Variants in GSC2 observed in about 807,000 individuals in gnomAD.
GSC2 encodes the protein homeobox protein goosecoid-2.
Under a neutral mutation model 11.3 loss-of-function variants are expected in GSC2, and 12 were observed. The observed-to-expected ratio is 1.06, with a 90% CI of 0.68 to 1.72. The LOEUF (loss-of-function observed/expected upper bound fraction) is 1.72. Ranked by LOEUF, GSC2 falls within the 40% of genes most tolerant of loss-of-function variation. GSC2 has a pLI of 0.00. For missense variants in GSC2, 310 were observed against 235.7 expected, an observed-to-expected ratio of 1.32 and a Z score of -2.06; for synonymous variants, 148 against 110.0, an observed-to-expected ratio of 1.35 and a Z score of -2.16.
At position 19,148,436 on chromosome 22, in the gene GSC2, CTG is replaced by C. The variant is rs1555917728; in HGVS notation, c.*553_*554del. On this transcript the variant is annotated 3_prime_UTR_variant, in exon 3 of 3. Transcript: ENST00000086933. ...AGCGCGAGGCTCGAAGGTGAAGGGA[CTG>C]TGGAGGGGCTCCTGGAATCGCTCCT... The C allele has an allele frequency of 1.3e-5, 2 of 152,372 alleles. No homozygotes were observed. 9.4% of individuals were successfully genotyped at this position (152,372 alleles called of 1,614,324 possible). A position where few individuals can be genotyped will look rare whatever the true frequency, so the allele number is the denominator to read the frequency against.
chr22:19,149,834 G>A lies in GSC2; in HGVS notation c.342C>T (p.Leu114=). The part of the protein sequence containing the change: ...LGAPAGGSGA[L]PGAVGPGSQR... ...GCGAACCCGGGCCGACCGCGCCCGGGAGCGCCCCGGAACCTCCGGCTGGCG... is the reference window on the plus strand; with the variant it reads ...GCGAACCCGGGCCGACCGCGCCCGGAAGCGCCCCGGAACCTCCGGCTGGCG... Residue 114 remains leucine, a synonymous_variant, in exon 2 of 3, where the codon CTC becomes CTT. Transcript: ENST00000086933. The A allele has an allele frequency of 1.3e-6, 2 of 1,548,676 alleles. No homozygotes were observed. The highest frequency in any genetic ancestry group is 1.7e-6 in the Non-Finnish European group (2 of 1,151,656).
rs1375589588 is a variant in GSC2, at chr22:19,147,541, C to A, written c.*1450G>T. ...CAAGGGGCCTGGAGCCTGTGAGATG[C>A]GAGTGTCCCCAGCTGCAAGGGAGCT... On this transcript the variant is annotated 3_prime_UTR_variant, in exon 3 of 3. Coordinates refer to ENST00000086933, the MANE Select transcript of GSC2 (RefSeq NM_005315.2). 6.6e-6 allele frequency among the ~76,000 whole-genome samples: 1 copy of A among 152,142 alleles called. No homozygotes were observed. Among genetic ancestry groups the A allele is most frequent in the African/African-American group, 2.4e-5 (1 of 41,424 alleles).
chr22:19,147,656 G>C lies in GSC2; in HGVS notation c.*1335C>G, dbSNP rs535527846. ...GGAGAAGGGCTTTGTGTGCATGCTA[G>C]GGGTGGAGGCGGGGATGCTAGGGAC... On this transcript the variant is annotated 3_prime_UTR_variant, in exon 3 of 3. Transcript: ENST00000086933. Among the ~76,000 whole-genome samples, 336 of 152,298 alleles carry C rather than the reference G, an allele frequency of 2.2e-3. No individual in the cohort carries two copies. The highest frequency in any genetic ancestry group is 7.8e-3 in the African/African-American group (323 of 41,554).
rs147219285 is a variant in GSC2 at position 19,148,016 on chromosome 22, G to A, written c.*975C>T. Among the ~76,000 whole-genome samples, 169 of 152,296 alleles carry A rather than the reference G, an allele frequency of 1.1e-3. No homozygotes were observed. Among genetic ancestry groups the A allele is most frequent in the African/African-American group, 3.8e-3 (159 of 41,558 alleles). ...AGGGCAGGCATCTTCCCAGGCAGCAGGGGCGGGGTCTCCCCAGTCCAACCT... is the reference window on the plus strand; with the variant it reads ...AGGGCAGGCATCTTCCCAGGCAGCAAGGGCGGGGTCTCCCCAGTCCAACCT... On this transcript the variant is annotated 3_prime_UTR_variant, in exon 3 of 3. Coordinates refer to ENST00000086933, the MANE Select transcript of GSC2 (RefSeq NM_005315.2).
chr22:19,149,107 G>C lies in GSC2; in HGVS notation c.514-12C>G. The C allele has an allele frequency of 2.0e-6, 3 of 1,522,004 alleles. No individual in the cohort carries two copies. The highest frequency in any genetic ancestry group is 2.7e-6 in the Non-Finnish European group (3 of 1,116,258). The allele number at this position is 1,522,004 out of a possible 1,614,324, so 94.3% of individuals were successfully genotyped here. A position where few individuals can be genotyped will look rare whatever the true frequency, so the allele number is the denominator to read the frequency against. ...TTCTTGAACCAGACCTGGGGATGGGGGGAATGCTCAGCCCTAGCCCCAGGT... is the reference window on the plus strand; with the variant it reads ...TTCTTGAACCAGACCTGGGGATGGGCGGAATGCTCAGCCCTAGCCCCAGGT... On this transcript the variant is annotated splice_polypyrimidine_tract_variant and intron_variant, in intron 2 of 2. Coordinates refer to ENST00000086933, the MANE Select transcript of GSC2 (RefSeq NM_005315.2).
rs2083796065 is a variant in GSC2 at position 19,147,053 on chromosome 22, C to T, written c.*1938G>A. ...ACAGTAAAACTGACTTCCTGTCAGC[C>T]TGGGTATAGTGGATGATCAGGAGAG... On this transcript the variant is annotated 3_prime_UTR_variant, in exon 3 of 3. Coordinates refer to ENST00000086933, the MANE Select transcript of GSC2 (RefSeq NM_005315.2). Among the ~76,000 whole-genome samples, 1 of 152,138 alleles carries T rather than the reference C, an allele frequency of 6.6e-6. No individual in the cohort carries two copies. The highest frequency in any genetic ancestry group is 2.1e-4 in the South Asian group (1 of 4,828).
chr22:19,149,364 C>T (rs1227959201), intron 2 of GSC2, among the ~76,000 whole-genome samples: 1 of 152,248 alleles, frequency 6.6e-6, no homozygotes, highest in Non-Finnish European at 1.5e-5. Flanking sequence ...GGGTTGCGGG[C>T]TCTTCTGAAT....
rs2083799866 is a variant in GSC2 at position 19,147,657 on chromosome 22, G to A, written c.*1334C>T. ...GAGAAGGGCTTTGTGTGCATGCTAGGGGTGGAGGCGGGGATGCTAGGGACA... is the reference window on the plus strand; with the variant it reads ...GAGAAGGGCTTTGTGTGCATGCTAGAGGTGGAGGCGGGGATGCTAGGGACA... On this transcript the variant is annotated 3_prime_UTR_variant, in exon 3 of 3. Transcript: ENST00000086933. Among the ~76,000 whole-genome samples, 1 of 152,170 alleles carries A rather than the reference G, an allele frequency of 6.6e-6. No individual in the cohort carries two copies. Among genetic ancestry groups the A allele is most frequent in the Non-Finnish European group, 1.5e-5 (1 of 68,016 alleles).
chr22:19,150,078 C>T lies in GSC2; in HGVS notation c.206G>A (p.Cys69Tyr), dbSNP rs1555918159. 4 of 996,198 alleles carry T rather than the reference C, an allele frequency of 4.0e-6. No homozygotes were observed. Among genetic ancestry groups the T allele is most frequent in the East Asian group, 1.0e-4 (1 of 9,620 alleles). 61.7% of individuals were successfully genotyped at this position (996,198 alleles called of 1,614,324 possible). Residue 69 changes from cysteine (C) to tyrosine (Y), a missense_variant, in exon 1 of 3, where the codon TGC (cysteine) becomes TAC (tyrosine). Cys to Tyr is a radical substitution (Grantham distance 194). Transcript: ENST00000086933. ...PEAAPCACCC[C>Y]CGPRAAPCGP... ...GCAGGGCGCCGCGCGGGGGCCGCAG[C>T]AGCAGCAGCAGGCGCAGGGCGCAGC...
At chr22:19,149,627 C>A (rs1463068042) in intron 2 of GSC2, 36 bp downstream of exon 2, 4 of 1,492,778 alleles carry the variant, frequency 2.7e-6, no homozygotes, top group Admixed American at 2.2e-5. Flanking sequence ...AGCCGCGGCC[C>A]GCGCGCTCCG....
chr22:19,148,834 A>C lies in GSC2; in HGVS notation c.*157T>G, dbSNP rs563282049. 2.1e-4 allele frequency: 113 copies of C among 547,428 alleles called. No individual in the cohort carries two copies. The highest frequency in any genetic ancestry group is 2.0e-3 in the African/African-American group (101 of 50,976). 33.9% of individuals were successfully genotyped at this position (547,428 alleles called of 1,614,324 possible). A position where few individuals can be genotyped will look rare whatever the true frequency, so the allele number is the denominator to read the frequency against. ...GCACCGGGGGCCCGTCCCCAGCGCC[A>C]CGGCAGCACGAGCTGCAGGAGGCAA... is the stretch of plus-strand genomic sequence containing the variant. On this transcript the variant is annotated 3_prime_UTR_variant, in exon 3 of 3. Coordinates refer to ENST00000086933, the MANE Select transcript of GSC2 (RefSeq NM_005315.2).
chr22:19,148,088 G>A lies in GSC2; in HGVS notation c.*903C>T, dbSNP rs1299902968. 2.0e-5 allele frequency among the ~76,000 whole-genome samples: 3 copies of A among 152,096 alleles called. No individual in the cohort carries two copies. Among genetic ancestry groups the A allele is most frequent in the African/African-American group, 7.2e-5 (3 of 41,414 alleles). ...GGCACAGATTGCTGTGAGGGAGTCC[G>A]AGCCCACAGCATGAAAACCCCAGGA... On this transcript the variant is annotated 3_prime_UTR_variant, in exon 3 of 3. Transcript: ENST00000086933.
rs1396963176 is a variant in GSC2, at chr22:19,149,651, C to CG, written c.513+11dup. 3.9e-6 allele frequency: 6 copies of CG among 1,524,926 alleles called. No individual in the cohort carries two copies. The African/African-American group carries it at 8.6e-5, about 22-fold the overall frequency. The allele number at this position is 1,524,926 out of a possible 1,614,324, so 94.5% of individuals were successfully genotyped here. ...CCGCGCGCTCCGGGGAAAGGCTGGG[C>CG]GGGGCACTCACCTCCACGCGCTCCT... On this transcript the variant is annotated intron_variant, in intron 2 of 2. Transcript: ENST00000086933.
In GSC2 at chr22:19,149,925, C is replaced by G. The variant is rs1464407072; in HGVS notation, c.260-9G>C. 6.8e-6 allele frequency: 9 copies of G among 1,323,158 alleles called. No individual in the cohort carries two copies. Among genetic ancestry groups the G allele is most frequent in the Non-Finnish European group, 8.6e-6 (9 of 1,041,776 alleles). The allele number at this position is 1,323,158 out of a possible 1,614,324, so 82.0% of individuals were successfully genotyped here. On this transcript the variant is annotated splice_polypyrimidine_tract_variant and intron_variant, in intron 1 of 2. Transcript: ENST00000086933. ...CCACGCCAGACGAGCGCCTGCGGAG[C>G]GAGGGCGCGGTGAGGCGCGGGGCTG...
rs1555918068 is a variant in GSC2 at position 19,149,740 on chromosome 22, C to G, written c.436G>C (p.Val146Leu). Residue 146 changes from valine to leucine, a missense_variant, in exon 2 of 3, where the codon GTG becomes CTG. Coordinates refer to ENST00000086933, the MANE Select transcript of GSC2 (RefSeq NM_005315.2). ...CTCACGTCAGGATACTGGTTCTGCA[C>G]GAAAAGCGCCTCGAGCGCCTGCAGC... Reference protein sequence around the residue: ...EQLQALEALFVQNQYPDVSTR... With the variant: ...EQLQALEALFLQNQYPDVSTR... The G allele has an allele frequency of 6.3e-7, 1 of 1,594,374 alleles. No individual in the cohort carries two copies. Among genetic ancestry groups the G allele is most frequent in the East Asian group, 2.3e-5 (1 of 43,062 alleles).
rs1555918092 is a variant in GSC2 at position 19,149,822 on chromosome 22, G to C, written c.354C>G (p.Val118=). 1 of 1,563,862 alleles carries C rather than the reference G, an allele frequency of 6.4e-7. No homozygotes were observed. Among genetic ancestry groups the C allele is most frequent in the South Asian group, 1.2e-5 (1 of 85,834 alleles). ...AGGSGALPGA[V]GPGSQRRTRR... The stretch of plus-strand genomic sequence containing the variant: ...TCGTGCGCCGCTGCGAACCCGGGCC[G>C]ACCGCGCCCGGGAGCGCCCCGGAAC... The change falls in exon 2 of 3, where the codon GTC becomes GTG. Residue 118 remains valine, a synonymous_variant. Transcript: ENST00000086933.
In GSC2 at chr22:19,148,981, C is replaced by T. The variant is rs781789635; in HGVS notation, c.*10G>A. On this transcript the variant is annotated 3_prime_UTR_variant, in exon 3 of 3. Coordinates refer to ENST00000086933, the MANE Select transcript of GSC2 (RefSeq NM_005315.2). ...AGGGTGGCCGAGCCCAGGGGCAGCTCCTAGAGTCATCAGCAGCTCCCCTTC... is the reference window on the plus strand; with the variant it reads ...AGGGTGGCCGAGCCCAGGGGCAGCTTCTAGAGTCATCAGCAGCTCCCCTTC... 18 of 1,536,080 alleles carry T rather than the reference C, an allele frequency of 1.2e-5. No individual in the cohort carries two copies. The highest frequency in any genetic ancestry group is 8.9e-5 in the Admixed American group (5 of 55,882).
Position 19,147,384 on chromosome 22 carries a change from C to T in GSC2, c.*1607G>A, listed in dbSNP as rs922515770. 5.9e-5 allele frequency among the ~76,000 whole-genome samples: 9 copies of T among 152,270 alleles called. No individual in the cohort carries two copies. The highest frequency in any genetic ancestry group is 2.2e-4 in the African/African-American group (9 of 41,552). On this transcript the variant is annotated 3_prime_UTR_variant, in exon 3 of 3. Coordinates refer to ENST00000086933, the MANE Select transcript of GSC2 (RefSeq NM_005315.2). ...TAGCCTGCTGTGGGGGGTCAGCCTG[C>T]CAAGGAGCAGCTAGAGCTCAAGAAG...
At chr22:19,149,525 A>G in intron 2 of GSC2, 138 bp downstream of exon 2, 4 of 959,226 alleles carry the variant, frequency 4.2e-6, no homozygotes, top group South Asian at 2.0e-5. Context: ...AGCGCCGTCC[A>G]GGGACCTCCT....
Sources: gnomAD v4.1 joint callset for allele counts (sites outside exome capture counted in the v4.1 genomes callset) on GRCh38, gnomAD v4.1.1 for gene constraint, MANE v1.5 for transcripts, NCBI Gene and HGNC (gene_info 2026-07-23, HGNC 2026-07-21) for gene names.